The following ESR2 variants were observed in gnomAD, a reference collection of about 807,000 sequenced individuals.
ESR2 encodes the protein estrogen receptor beta.
ESR2 carries 36 observed loss-of-function variants against 49.6 expected under a neutral mutation model. The ratio of observed to expected loss-of-function variants is 0.73; its 90% CI spans 0.56 to 0.96. The LOEUF is 0.96. Ranked by LOEUF, ESR2 falls within the 40% of genes least tolerant of loss-of-function variation. The pLI is 0.00. For synonymous variants in ESR2, 320 were observed against 266.1 expected (o/e 1.20, Z -1.97); for missense variants, 714 against 693.0 (o/e 1.03, Z -0.34).
At chr14:64,283,501 G>A (rs1294906953) in intron 1 of ESR2, among the ~76,000 whole-genome samples, 5 of 152,142 alleles carry the variant, frequency 3.3e-5, no homozygotes, top group Non-Finnish European at 7.4e-5. Flanking sequence ...GCTCACGCCT[G>A]TAATCCCAAT....
chr14:64,323,030 A>G (rs2077343653), intron 1 of ESR2, among the ~76,000 whole-genome samples: 1 of 152,220 alleles, frequency 6.6e-6, no homozygotes, highest in Non-Finnish European at 1.5e-5. Context: ...GAATATTTTT[A>G]TTAGAATGAT....
At chr14:64,265,015 T>C (rs1296752970) in intron 4 of ESR2, among the ~76,000 whole-genome samples, 1 of 152,220 alleles carries the variant, frequency 6.6e-6, no homozygotes, top group Non-Finnish European at 1.5e-5. Context: ...AGATTTTGAA[T>C]TCATACGTTC....
intron 1 of ESR2, among the ~76,000 whole-genome samples, chr14:64,289,363 T>C (rs1219189444): frequency 6.6e-6 from 1 of 151,798 alleles, no homozygotes; most frequent in Non-Finnish European, 1.5e-5. Flanking sequence ...AAATACAAAA[T>C]TAGCCGGGCA....
At chr14:64,261,683 T>A (rs559805904) in intron 4 of ESR2, among the ~76,000 whole-genome samples, 1 of 152,328 alleles carries the variant, frequency 6.6e-6, no homozygotes, top group South Asian at 2.1e-4. Flanking sequence ...CCTCCCAAAG[T>A]GCTGGGATTA....
intron 1 of ESR2, among the ~76,000 whole-genome samples, chr14:64,318,101 C>CTACAT (rs2077279601): frequency 6.6e-6 from 1 of 151,826 alleles, no homozygotes; most frequent in African/African-American, 2.4e-5. Context: ...TAGAGAATCC[C>CTACAT]AAAGAATTGA....
At chr14:64,277,845 G>T (rs998193096) in intron 3 of ESR2, among the ~76,000 whole-genome samples, 2 of 151,990 alleles carry the variant, frequency 1.3e-5, no homozygotes, top group Admixed American at 1.3e-4. Context: ...TTTAGAATTT[G>T]ACATTCCTGT....
intron 7 of ESR2, among the ~76,000 whole-genome samples, chr14:64,242,451 A>T (rs111772086): frequency 0.025 from 3,160 of 126,658 alleles, 92 homozygotes; most frequent in Admixed American, 0.095. Flanking sequence ...AAACAAAAAA[A>T]ATATATATAT....
rs918198015 is a variant in ESR2 at position 64,229,585 on chromosome 14, T to A, written c.*3552A>T. On this transcript the variant is annotated 3_prime_UTR_variant, in exon 9 of 9. Transcript: ENST00000341099. ...GCATGTCAGGTTGCACCTGATAGAT[T>A]CTGCAGTTTTAAAATATTTTTCTTT... is the stretch of plus-strand genomic sequence containing the variant. Among the ~76,000 whole-genome samples, 1 of 152,200 alleles carries A rather than the reference T, an allele frequency of 6.6e-6. No homozygotes were observed. The highest frequency in any genetic ancestry group is 1.5e-5 in the Non-Finnish European group (1 of 68,046).
chr14:64,235,417 T>G (rs1480134806), intron 7 of ESR2, among the ~76,000 whole-genome samples: 2 of 152,244 alleles, frequency 1.3e-5, no homozygotes, highest in East Asian at 3.8e-4. Flanking sequence ...ATTGTGGCCT[T>G]GCCGTGGCGA....
chr14:64,271,114 T>C (rs139923872), intron 3 of ESR2, among the ~76,000 whole-genome samples: 157 of 152,218 alleles, frequency 1.0e-3, no homozygotes, highest in African/African-American at 3.3e-3. Context: ...TATCATCTTT[T>C]TTTTTTTCCG....
At chr14:64,310,660 C>T (rs889902765) in intron 1 of ESR2, among the ~76,000 whole-genome samples, 1 of 151,888 alleles carries the variant, frequency 6.6e-6, no homozygotes, top group Non-Finnish European at 1.5e-5. Context: ...TTAGTAGAGA[C>T]GAGGTTTCAT....
In ESR2 at chr14:64,232,889, A is replaced by C. The variant is rs2098728596; in HGVS notation, c.*248T>G. The C allele has an allele frequency of 1.9e-6, 1 of 537,516 alleles. No individual in the cohort carries two copies. Among genetic ancestry groups the C allele is most frequent in the South Asian group, 6.3e-5 (1 of 15,832 alleles). The allele number at this position is 537,516 out of a possible 1,614,324, so 33.3% of individuals were successfully genotyped here. ...GGAAAGTAAGAAAGACCACACTGAG[A>C]TCCTATGAGGCCATTGAGTGTGGAA... On this transcript the variant is annotated 3_prime_UTR_variant, in exon 9 of 9. Transcript: ENST00000341099.
intron 3 of ESR2, among the ~76,000 whole-genome samples, 182 bp from the exon 4 acceptor site, chr14:64,269,093 C>T (rs2076388338): frequency 6.6e-6 from 1 of 152,148 alleles, no homozygotes; most frequent in Non-Finnish European, 1.5e-5. Context: ...TAAAGGAGAC[C>T]TAGGAACATT....
chr14:64,260,585 G>A lies in ESR2; in HGVS notation c.816C>T (p.Leu272=), dbSNP rs1480316915. Residue 272 remains leucine (L), a synonymous_variant, in exon 5 of 9, where the codon CTC becomes CTT. Transcript: ENST00000341099. The part of the protein sequence containing the change: ...ALSPEQLVLT[L]LEAEPPHVLI... ...GCACATGGGGCGGCTCAGCCTCCAGGAGGGTGAGCACTAGCTGCTCGGGGC... is the reference window on the plus strand; with the variant it reads ...GCACATGGGGCGGCTCAGCCTCCAGAAGGGTGAGCACTAGCTGCTCGGGGC... 9 of 1,608,796 alleles carry A rather than the reference G, an allele frequency of 5.6e-6. No homozygotes were observed. The highest frequency in any genetic ancestry group is 1.7e-4 in the Middle Eastern group (1 of 6,026).
At position 64,233,338 on chromosome 14, in the gene ESR2, A is replaced by T; in HGVS notation, c.1407-15T>A. On this transcript the variant is annotated splice_polypyrimidine_tract_variant and intron_variant, in intron 8 of 8. Transcript: ENST00000341099. ...TGCCCTTGTTACTATGGGGACAAAAAGGTGCTGAGATTCCCTCCTCCGAGG... is the reference window on the plus strand; with the variant it reads ...TGCCCTTGTTACTATGGGGACAAAATGGTGCTGAGATTCCCTCCTCCGAGG... 1 of 1,600,544 alleles carries T rather than the reference A, an allele frequency of 6.2e-7. No individual in the cohort carries two copies. The highest frequency in any genetic ancestry group is 2.2e-5 in the East Asian group (1 of 44,498).
intron 3 of ESR2, among the ~76,000 whole-genome samples, chr14:64,271,757 G>A (rs569529505): frequency 1.7e-3 from 256 of 152,242 alleles, no homozygotes; most frequent in African/African-American, 5.7e-3. Flanking sequence ...TTTTATGGCC[G>A]AATAGTGGTG....
At chr14:64,298,435 T>A (rs1042042980), upstream of ESR2, 2 of 152,218 alleles carry the variant, frequency 1.3e-5, no homozygotes, top group African/African-American at 4.8e-5. Context: ...GAGATGCTGT[T>A]CTTATTTGTT....
intron 8 of ESR2, chr14:64,234,431 GA>G (rs1432262029): frequency 2.6e-5 from 4 of 156,234 alleles, no homozygotes; most frequent in Non-Finnish European, 4.3e-5. Flanking sequence ...TACGTTTCCT[GA>G]TCAGAAACAT....
Position 64,261,663 on chromosome 14 carries a change from C to T in ESR2, c.653-915G>A, listed in dbSNP as rs538449589. ...AAATTCCTGATTCTCAAGTGATCTGCCCATCTTGGCCTCCCAAAGTGCTGG... is the reference window on the plus strand; with the variant it reads ...AAATTCCTGATTCTCAAGTGATCTGTCCATCTTGGCCTCCCAAAGTGCTGG... On this transcript the variant is annotated intron_variant, in intron 4 of 8. Transcript: ENST00000341099. Among the ~76,000 whole-genome samples, 43 of 152,266 alleles carry T rather than the reference C, an allele frequency of 2.8e-4. 1 individual carries two copies. The South Asian group carries it at 8.1e-3, about 29-fold the overall frequency.
Sources: allele counts gnomAD v4.1 joint callset (sites outside exome capture counted in the v4.1 genomes callset), GRCh38; gene constraint gnomAD v4.1.1; transcripts MANE v1.5; gene names NCBI Gene and HGNC (gene_info 2026-07-23, HGNC 2026-07-21).